Variants in CPNE4 observed in about 807,000 individuals in gnomAD.
The protein encoded by CPNE4 is copine-4.
Under a neutral mutation model 67.9 loss-of-function variants are expected in CPNE4, and 25 were observed. That is an observed-to-expected ratio of 0.37 (90% CI 0.27 to 0.51). CPNE4 has a LOEUF of 0.51. Ranked by LOEUF, CPNE4 falls within the 20% of genes least tolerant of loss-of-function variation. The pLI is 0.93. For synonymous variants in CPNE4, 242 were observed against 244.9 expected, an observed-to-expected ratio of 0.99 and a Z score of 0.11; for missense variants, 464 against 690.8, an observed-to-expected ratio of 0.67 and a Z score of 3.68.
chr3:132,037,611 G>A (rs1232043611), upstream of CPNE4: 2 of 1,535,784 alleles, frequency 1.3e-6, no homozygotes, highest in Admixed American at 3.9e-5. Flanking sequence ...TACAGCCATG[G>A]TCAAATTTAT....
intron 2 of CPNE4, among the ~76,000 whole-genome samples, chr3:131,834,284 A>G (rs1316794129): frequency 3.3e-5 from 5 of 152,118 alleles, no homozygotes; most frequent in African/African-American, 1.2e-4. Flanking sequence ...TCTCCTTTTA[A>G]TTTGTGTTTC....
chr3:131,590,014 G>A (rs1362937314), intron 7 of CPNE4, among the ~76,000 whole-genome samples: 2 of 152,218 alleles, frequency 1.3e-5, no homozygotes, highest in African/African-American at 4.8e-5. Flanking sequence ...CAAGTTTGGG[G>A]TGGGAGGAGG....
intron 1 of CPNE4, among the ~76,000 whole-genome samples, chr3:131,972,294 A>C (rs933063951): frequency 6.6e-5 from 10 of 152,192 alleles, no homozygotes; most frequent in African/African-American, 2.4e-4. Context: ...TGTATGACTG[A>C]AAGTCTATAG....
chr3:131,694,390 T>C (rs753898394), intron 5 of CPNE4, among the ~76,000 whole-genome samples: 12 of 152,206 alleles, frequency 7.9e-5, no homozygotes, highest in Non-Finnish European at 1.6e-4. Context: ...TATTTTATTC[T>C]ATTTCTATCA....
intron 7 of CPNE4, among the ~76,000 whole-genome samples, chr3:131,650,960 A>G (rs2079802498): frequency 6.6e-6 from 1 of 152,072 alleles, no homozygotes. Flanking sequence ...CTAGTTATCC[A>G]TGATATCCTG....
intron 7 of CPNE4, among the ~76,000 whole-genome samples, chr3:131,637,241 T>A (rs1322880773): frequency 6.6e-6 from 1 of 152,080 alleles, no homozygotes; most frequent in African/African-American, 2.4e-5. Context: ...ATCAAGCTAA[T>A]CAAGGAGGCA....
intron 1 of CPNE4, among the ~76,000 whole-genome samples, chr3:132,010,014 C>T (rs569992342): frequency 4.9e-4 from 75 of 152,324 alleles, no homozygotes; most frequent in African/African-American, 1.7e-3. Context: ...CCCTCTTTGC[C>T]TGCAGCCTCA....
intron 7 of CPNE4, among the ~76,000 whole-genome samples, chr3:131,598,357 A>G (rs1438653332): frequency 2.0e-5 from 3 of 152,220 alleles, no homozygotes; most frequent in Non-Finnish European, 4.4e-5. Flanking sequence ...TCTCTTTTTC[A>G]ATCTTTGTTC....
chr3:131,665,523 G>T (rs1386250638), intron 7 of CPNE4, among the ~76,000 whole-genome samples: 1 of 151,998 alleles, frequency 6.6e-6, no homozygotes, highest in Non-Finnish European at 1.5e-5. Context: ...GCTGGGTATG[G>T]TGGCACACGC....
chr3:131,751,391 T>A (rs188624273), intron 2 of CPNE4, among the ~76,000 whole-genome samples: 1 of 152,116 alleles, frequency 6.6e-6, no homozygotes, highest in Non-Finnish European at 1.5e-5. Flanking sequence ...TATCTTCCAA[T>A]GTACTGATTC....
chr3:131,624,590 C>A (rs1353073704), intron 7 of CPNE4, among the ~76,000 whole-genome samples: 1 of 151,904 alleles, frequency 6.6e-6, no homozygotes, highest in African/African-American at 2.4e-5. Flanking sequence ...TTTCCATATT[C>A]TTTTCATTCT....
At chr3:131,997,998 C>G (rs1247196619) in intron 1 of CPNE4, among the ~76,000 whole-genome samples, 1 of 152,152 alleles carries the variant, frequency 6.6e-6, no homozygotes, top group African/African-American at 2.4e-5. Flanking sequence ...TCTTCTTAGG[C>G]CCCACCTCCC....
At chr3:131,936,811 T>C (rs1378935239) in intron 1 of CPNE4, among the ~76,000 whole-genome samples, 1 of 150,576 alleles carries the variant, frequency 6.6e-6, no homozygotes, top group South Asian at 2.1e-4. Flanking sequence ...AATCAGACAA[T>C]AGATCGAAAA....
At chr3:131,619,605 G>GA (rs1211118031) in intron 7 of CPNE4, among the ~76,000 whole-genome samples, 2 of 152,108 alleles carry the variant, frequency 1.3e-5, no homozygotes, top group African/African-American at 4.8e-5. Flanking sequence ...TCATTGGCTT[G>GA]AAAAATGTTT....
chr3:131,899,714 G>A (rs1023479255), intron 2 of CPNE4, among the ~76,000 whole-genome samples: 8 of 152,080 alleles, frequency 5.3e-5, no homozygotes, highest in Non-Finnish European at 1.0e-4. Flanking sequence ...ACAGATTGAT[G>A]GCTACTTTAA....
At chr3:131,695,328 G>C (rs2107694257) in intron 5 of CPNE4, among the ~76,000 whole-genome samples, 1 of 152,268 alleles carries the variant, frequency 6.6e-6, no homozygotes, top group Admixed American at 6.5e-5. Context: ...AAGTGCTGCA[G>C]GGGGCTCTTT....
At chr3:131,948,329 C>T (rs889164832) in intron 1 of CPNE4, among the ~76,000 whole-genome samples, 1 of 152,138 alleles carries the variant, frequency 6.6e-6, no homozygotes, top group Admixed American at 6.6e-5. Context: ...AACATTTCCC[C>T]TTCTTGCACT....
intron 1 of CPNE4, among the ~76,000 whole-genome samples, chr3:131,951,626 T>G (rs979125327): frequency 1.3e-5 from 2 of 152,194 alleles, no homozygotes; most frequent in Admixed American, 6.5e-5. Flanking sequence ...GAAGCTGGAC[T>G]GTACTGCTGC....
At chr3:131,893,481 CAG>C (rs1294968279) in intron 2 of CPNE4, among the ~76,000 whole-genome samples, 1 of 152,000 alleles carries the variant, frequency 6.6e-6, no homozygotes, top group Non-Finnish European at 1.5e-5. Flanking sequence ...ATGGACCTAA[CAG>C]ACATTTGCAG....
Sources: gnomAD v4.1 joint callset for allele counts (sites outside exome capture counted in the v4.1 genomes callset) on GRCh38, gnomAD v4.1.1 for gene constraint, MANE v1.5 for transcripts, NCBI Gene and HGNC (gene_info 2026-07-23, HGNC 2026-07-21) for gene names.